Variants in ZFAND6 observed in about 807,000 individuals in gnomAD.
The protein encoded by ZFAND6 is zinc finger AN1-type containing 6, also known as AN1-type zinc finger protein 6.
Under a neutral mutation model 24.5 loss-of-function variants are expected in ZFAND6, and 12 were observed. The observed-to-expected ratio is 0.49, with a 90% CI of 0.31 to 0.79. The LOEUF (loss-of-function observed/expected upper bound fraction) is 0.79. ZFAND6 is among the 30% of genes least tolerant of loss of function. The pLI is 0.04. For synonymous variants in ZFAND6, 92 were observed against 81.5 expected (o/e 1.13, Z -0.69); for missense variants, 207 against 245.9 (o/e 0.84, Z 1.06).
intron 2 of ZFAND6, among the ~76,000 whole-genome samples, chr15:80,102,047 C>T (rs1263451333): frequency 1.3e-5 from 2 of 151,936 alleles, no homozygotes; most frequent in Admixed American, 1.3e-4. Flanking sequence ...CCGCCTGTTT[C>T]GGCCTCCCAA....
intron 5 of ZFAND6, 87 bp downstream of exon 5, chr15:80,122,887 C>A: frequency 1.1e-6 from 1 of 900,290 alleles, no homozygotes; most frequent in Non-Finnish European, 1.7e-6. Context: ...AAATTGCCAG[C>A]TTAAAATACA....
At chr15:80,109,741 G>A (rs554253019) in intron 2 of ZFAND6, among the ~76,000 whole-genome samples, 5 of 152,326 alleles carry the variant, frequency 3.3e-5, no homozygotes, top group African/African-American at 1.2e-4. Flanking sequence ...TGGCTGCTGT[G>A]TTGAAAATAA....
intron 1 of ZFAND6, among the ~76,000 whole-genome samples, chr15:80,092,288 A>G (rs1189126139): frequency 2.0e-5 from 3 of 150,704 alleles, no homozygotes; most frequent in African/African-American, 7.3e-5. Flanking sequence ...GGAGTTCGAG[A>G]CAAGCCTGGG....
At chr15:80,093,346 T>C (rs1159474542) in intron 1 of ZFAND6, among the ~76,000 whole-genome samples, 2 of 152,254 alleles carry the variant, frequency 1.3e-5, no homozygotes, top group African/African-American at 4.8e-5. Context: ...GTAATATAAA[T>C]GTAATAGATG....
At chr15:80,127,413 C>A (rs1292172224) in intron 5 of ZFAND6, among the ~76,000 whole-genome samples, 1 of 151,834 alleles carries the variant, frequency 6.6e-6, no homozygotes, top group Non-Finnish European at 1.5e-5. Flanking sequence ...CATGGTGAAA[C>A]CCCATCTCTA....
At chr15:80,113,945 A>T (rs1215158114) in intron 2 of ZFAND6, among the ~76,000 whole-genome samples, 2 of 152,084 alleles carry the variant, frequency 1.3e-5, no homozygotes, top group Non-Finnish European at 2.9e-5. Flanking sequence ...AAAGGGGCCC[A>T]GAAGAAATAG....
chr15:80,133,523 C>T (rs2040715722), intron 6 of ZFAND6, among the ~76,000 whole-genome samples: 2 of 152,068 alleles, frequency 1.3e-5, no homozygotes, highest in South Asian at 2.1e-4. Context: ...AAAGGTTTGG[C>T]TTTGAAAAAG....
chr15:80,122,854 C>T, intron 5 of ZFAND6, 54 bp downstream of exon 5: 1 of 1,427,534 alleles, frequency 7.0e-7, no homozygotes, highest in Admixed American at 1.8e-5. Context: ...AGGCCAGACA[C>T]TATCCTAGGT....
intron 2 of ZFAND6, among the ~76,000 whole-genome samples, chr15:80,106,757 G>A (rs2039350514): frequency 6.6e-6 from 1 of 152,048 alleles, no homozygotes; most frequent in South Asian, 2.1e-4. Flanking sequence ...CCTGAAATGG[G>A]AGACTAATTA....
At chr15:80,068,222 A>G (rs1471421741) in intron 1 of ZFAND6, among the ~76,000 whole-genome samples, 1 of 151,420 alleles carries the variant, frequency 6.6e-6, no homozygotes, top group African/African-American at 2.4e-5. Flanking sequence ...ATGTTGGCTC[A>G]CTGTAGTCTC....
At position 80,088,307 on chromosome 15, in the gene ZFAND6, G is replaced by C. The variant is rs568948750; in HGVS notation, c.-180-10109G>C. On this transcript the variant is annotated intron_variant, in intron 1 of 6. Transcript: ENST00000261749. ...TTTGGCCGAGCACAGTGTGGTTCAT[G>C]CCTGTAATCCCAGCACTTTTAGGGC... Among the ~76,000 whole-genome samples the C allele has an allele frequency of 2.6e-5, 4 of 152,204 alleles. No homozygotes were observed. In the South Asian group the frequency reaches 8.3e-4, roughly 32 times the overall value.
intron 6 of ZFAND6, among the ~76,000 whole-genome samples, chr15:80,134,818 A>G (rs1381900632): frequency 6.6e-6 from 1 of 152,358 alleles, no homozygotes; most frequent in African/African-American, 2.4e-5. Context: ...AGCGTGCAAG[A>G]AAACAGATTG....
intron 1 of ZFAND6, among the ~76,000 whole-genome samples, chr15:80,072,339 A>G (rs1056037994): frequency 2.6e-5 from 4 of 152,146 alleles, no homozygotes; most frequent in African/African-American, 9.6e-5. Context: ...CACCTAGACA[A>G]GGGTAAGCAA....
intron 2 of ZFAND6, among the ~76,000 whole-genome samples, chr15:80,119,602 C>T (rs2040056217): frequency 6.6e-6 from 1 of 151,718 alleles, no homozygotes; most frequent in South Asian, 2.1e-4. Context: ...AAACTGCATA[C>T]ATTCTAATGT....
At chr15:80,134,853 G>T (rs2040783351) in intron 6 of ZFAND6, among the ~76,000 whole-genome samples, 1 of 152,210 alleles carries the variant, frequency 6.6e-6, no homozygotes, top group South Asian at 2.1e-4. Context: ...GACAGAAGGG[G>T]TCTGATTATT....
At chr15:80,086,375 C>A (rs533135698) in intron 1 of ZFAND6, among the ~76,000 whole-genome samples, 8 of 152,200 alleles carry the variant, frequency 5.3e-5, no homozygotes, top group Non-Finnish European at 8.8e-5. Context: ...TTACATACCA[C>A]AAAATTCACC....
chr15:80,093,726 AAAAT>A (rs754437919), intron 1 of ZFAND6, among the ~76,000 whole-genome samples: 1 of 152,234 alleles, frequency 6.6e-6, no homozygotes, highest in Non-Finnish European at 1.5e-5. Flanking sequence ...ACTTTGTTTC[AAAAT>A]AAATAAATAG....
At chr15:80,094,475 C>T (rs1273085875) in intron 1 of ZFAND6, among the ~76,000 whole-genome samples, 1 of 151,992 alleles carries the variant, frequency 6.6e-6, no homozygotes, top group East Asian at 1.9e-4. Flanking sequence ...CACCCCTACC[C>T]CCTACCCCAA....
intron 1 of ZFAND6, among the ~76,000 whole-genome samples, chr15:80,063,913 C>G (rs1330295013): frequency 6.6e-6 from 1 of 152,176 alleles, no homozygotes; most frequent in Non-Finnish European, 1.5e-5. Flanking sequence ...GTCTTGAACT[C>G]CTGGCCTCAA....
Sources: allele counts gnomAD v4.1 joint callset (sites outside exome capture counted in the v4.1 genomes callset), GRCh38; gene constraint gnomAD v4.1.1; transcripts MANE v1.5; gene names NCBI Gene and HGNC (gene_info 2026-07-23, HGNC 2026-07-21).